Variants in COL4A2 observed in about 807,000 individuals in gnomAD.
COL4A2 encodes collagen type IV alpha 2 chain.
In COL4A2, 99 loss-of-function variants were observed where a neutral mutation model predicts 200.2. The observed-to-expected ratio is 0.49, with a 90% CI of 0.42 to 0.58. The LOEUF (loss-of-function observed/expected upper bound fraction) is 0.58, where lower values mean the gene tolerates loss of function less well. COL4A2 is among the 20% of genes least tolerant of loss of function. The pLI is 0.00. For missense variants in COL4A2, 1,950 were observed against 2,314.1 expected, an observed-to-expected ratio of 0.84 and a Z score of 3.23; for synonymous variants, 897 against 900.6, an observed-to-expected ratio of 1.00 and a Z score of 0.07.
At chr13:110,443,293 G>A (rs942851268) in intron 16 of COL4A2, among the ~76,000 whole-genome samples, 1 of 152,142 alleles carries the variant, frequency 6.6e-6, no homozygotes, top group Non-Finnish European at 1.5e-5. Flanking sequence ...GGTACAACAG[G>A]CAAATGAAGA....
intron 16 of COL4A2, among the ~76,000 whole-genome samples, chr13:110,444,280 G>C (rs1881241944): frequency 6.6e-6 from 1 of 152,214 alleles, no homozygotes; most frequent in Non-Finnish European, 1.5e-5. Context: ...GCATAGGTGT[G>C]TGATGCTCGT....
chr13:110,407,702 A>T (rs1879625126), intron 4 of COL4A2, among the ~76,000 whole-genome samples: 1 of 152,154 alleles, frequency 6.6e-6, no homozygotes. Flanking sequence ...TCCAGGAAGG[A>T]GGTGCTGGGA....
chr13:110,460,304 C>G (rs181991721), intron 22 of COL4A2, among the ~76,000 whole-genome samples: 1 of 152,248 alleles, frequency 6.6e-6, no homozygotes, highest in East Asian at 1.9e-4. Context: ...CTCGCTGATC[C>G]ATGCCCTAGG....
At chr13:110,314,076 T>A (rs1280599348) in intron 3 of COL4A2, among the ~76,000 whole-genome samples, 1 of 152,126 alleles carries the variant, frequency 6.6e-6, no homozygotes, top group Non-Finnish European at 1.5e-5. Flanking sequence ...GAAAAACTGG[T>A]GAGATTCTAG....
intron 40 of COL4A2, among the ~76,000 whole-genome samples, chr13:110,498,428 G>A (rs544422195): frequency 1.6e-4 from 25 of 152,282 alleles, no homozygotes; most frequent in Non-Finnish European, 3.2e-4. Context: ...AGGGAGGGGC[G>A]GAGGAAACTG....
intron 4 of COL4A2, among the ~76,000 whole-genome samples, chr13:110,367,473 A>G (rs1214839884): frequency 6.6e-6 from 1 of 152,246 alleles, no homozygotes; most frequent in Non-Finnish European, 1.5e-5. Context: ...ATGAAGATTA[A>G]AGTTCTGGCA....
chr13:110,503,428 G>T lies in COL4A2; in HGVS notation c.4085G>T (p.Gly1362Val). ...TTCATGGGGAACACTGGACCCACTG[G>T]GGCGGTGGGCGACAGAGGCCCCAAG... ...QGFMGNTGPT[G>V]AVGDRGPKGP... is the part of the protein sequence containing the mutation. The change falls in exon 43 of 48, where the codon GGG (glycine) becomes GTG (valine). Residue 1362 changes from glycine to valine, a missense_variant. Around this residue, in one of 2 missense-constraint regions of COL4A2, gnomAD observed 1,385 missense variants for 1,720.5 expected, o/e 0.80. Coordinates refer to ENST00000360467, the MANE Select transcript of COL4A2 (RefSeq NM_001846.4). 1 of 1,590,448 alleles carries T rather than the reference G, an allele frequency of 6.3e-7. No homozygotes were observed. Among genetic ancestry groups the T allele is most frequent in the East Asian group, 2.3e-5 (1 of 43,820 alleles).
intron 3 of COL4A2, among the ~76,000 whole-genome samples, chr13:110,353,067 G>T (rs568739885): frequency 4.9e-4 from 75 of 152,322 alleles, no homozygotes; most frequent in Non-Finnish European, 7.2e-4. Context: ...TGGAAATTCA[G>T]ACTTGAAATG....
intron 3 of COL4A2, among the ~76,000 whole-genome samples, chr13:110,315,657 A>G (rs531886829): frequency 6.6e-6 from 1 of 152,216 alleles, no homozygotes; most frequent in African/African-American, 2.4e-5. Context: ...CAGCCTCCCA[A>G]AGTGCTGGGA....
At chr13:110,392,861 A>G (rs1879038751) in intron 4 of COL4A2, among the ~76,000 whole-genome samples, 1 of 152,254 alleles carries the variant, frequency 6.6e-6, no homozygotes, top group Non-Finnish European at 1.5e-5. Flanking sequence ...AAGAAAGTAA[A>G]GTTAAGAAAT....
chr13:110,437,989 A>T lies in COL4A2; in HGVS notation c.826-13A>T. The T allele has an allele frequency of 1.2e-6, 2 of 1,610,154 alleles. No homozygotes were observed. The highest frequency in any genetic ancestry group is 4.5e-5 in the East Asian group (2 of 44,844). On this transcript the variant is annotated splice_polypyrimidine_tract_variant and intron_variant, in intron 13 of 47. Coordinates refer to ENST00000360467, the MANE Select transcript of COL4A2 (RefSeq NM_001846.4). ...AATTAATAAGCGTTTCTTATTTTTC[A>T]TATTCTTCACAGGGTGAAAAAGGCA...
intron 4 of COL4A2, among the ~76,000 whole-genome samples, chr13:110,423,755 C>G (rs1265164106): frequency 6.6e-6 from 1 of 152,132 alleles, no homozygotes; most frequent in Non-Finnish European, 1.5e-5. Context: ...AGCCCTCATT[C>G]TACTGTCTGT....
intron 40 of COL4A2, among the ~76,000 whole-genome samples, chr13:110,499,602 G>A (rs1452491926): frequency 6.6e-6 from 1 of 152,224 alleles, no homozygotes; most frequent in Non-Finnish European, 1.5e-5. Context: ...TATTTCTGCA[G>A]CTGACATTCG....
chr13:110,312,567 C>T (rs889596002), intron 3 of COL4A2, among the ~76,000 whole-genome samples: 1 of 152,174 alleles, frequency 6.6e-6, no homozygotes, highest in Non-Finnish European at 1.5e-5. Flanking sequence ...GAAGAGATCA[C>T]CATCTAGAAA....
At position 110,432,314 on chromosome 13, in the gene COL4A2, T is replaced by TA; in HGVS notation, c.649-10dup. 1 of 1,604,748 alleles carries TA rather than the reference T, an allele frequency of 6.2e-7. No individual in the cohort carries two copies. The highest frequency in any genetic ancestry group is 1.1e-5 in the South Asian group (1 of 88,982). The stretch of plus-strand genomic sequence containing the variant: ...AGAAAACCATTTACACATTTCTTTG[T>TA]ATTTGTACAGGGACCACCTGGACCC... On this transcript the variant is annotated splice_polypyrimidine_tract_variant and intron_variant, in intron 10 of 47. Coordinates refer to ENST00000360467, the MANE Select transcript of COL4A2 (RefSeq NM_001846.4).
chr13:110,365,097 G>C (rs901480176), intron 4 of COL4A2, among the ~76,000 whole-genome samples: 4 of 151,916 alleles, frequency 2.6e-5, no homozygotes, highest in African/African-American at 9.7e-5. Context: ...ATAATCCACT[G>C]CCTGTGTTAG....
At chr13:110,496,974 T>G (rs1883481224) in intron 40 of COL4A2, among the ~76,000 whole-genome samples, 1 of 107,696 alleles carries the variant, frequency 9.3e-6, no homozygotes, top group Admixed American at 1.1e-4. Flanking sequence ...ACAGCCTCAG[T>G]TGGGGTGAGG....
At chr13:110,437,682 C>G (rs768742335) in intron 13 of COL4A2, among the ~76,000 whole-genome samples, 3 of 152,138 alleles carry the variant, frequency 2.0e-5, no homozygotes, top group Admixed American at 2.0e-4. Flanking sequence ...TGGGCACGTT[C>G]TCCCACCATA....
At chr13:110,447,579 C>T (rs1479977388) in intron 18 of COL4A2, among the ~76,000 whole-genome samples, 2 of 152,068 alleles carry the variant, frequency 1.3e-5, no homozygotes, top group East Asian at 1.9e-4. Context: ...AAAAATGTTT[C>T]GAGAACCTCC....
Sources: allele counts gnomAD v4.1 joint callset (sites outside exome capture counted in the v4.1 genomes callset), GRCh38; gene constraint gnomAD v4.1.1; regional missense constraint gnomAD v4.1.1; transcripts MANE v1.5; gene names NCBI Gene and HGNC (gene_info 2026-07-23, HGNC 2026-07-21).